AGPAT5: variants seen among roughly 807,000 people sequenced by gnomAD.
AGPAT5 encodes the protein 1-acyl-sn-glycerol-3-phosphate acyltransferase epsilon.
AGPAT5 carries 46 observed loss-of-function variants against 45.6 expected under a neutral mutation model. The ratio of observed to expected loss-of-function variants is 1.01; its 90% CI spans 0.80 to 1.29. The LOEUF is 1.29. Among genes scored for constraint, AGPAT5 ranks in the 50% most tolerant of loss-of-function variants. AGPAT5 has a pLI of 0.00. For missense variants in AGPAT5, 673 were observed against 450.7 expected, an observed-to-expected ratio of 1.49 and a Z score of -4.47; for synonymous variants, 272 against 167.0, an observed-to-expected ratio of 1.63 and a Z score of -4.85.
Position 6,709,137 on chromosome 8 carries a change from G to C in AGPAT5, c.219+250G>C, listed in dbSNP as rs994443652. 31 of 571,936 alleles carry C rather than the reference G, an allele frequency of 5.4e-5. No homozygotes were observed. The African/African-American group carries it at 5.9e-4, about 11-fold the overall frequency. 35.4% of individuals were successfully genotyped at this position (571,936 alleles called of 1,614,324 possible). A position where few individuals can be genotyped will look rare whatever the true frequency, so the allele number is the denominator to read the frequency against. On this transcript the variant is annotated intron_variant, in intron 1 of 7. Coordinates refer to ENST00000285518, the MANE Select transcript of AGPAT5 (RefSeq NM_018361.5). ...CCCGCCGCCCCTTTCCCCGCCCCTC[G>C]CCTGGGTCTGATGCTGCTTAGCAAA...
At chr8:6,742,053 A>C (rs1368408999) in intron 5 of AGPAT5, among the ~76,000 whole-genome samples, 5 of 152,168 alleles carry the variant, frequency 3.3e-5, no homozygotes, top group African/African-American at 1.2e-4. Flanking sequence ...CTTTTTCTAC[A>C]GTGTATGGGT....
rs62497278 is a variant in AGPAT5 at position 6,708,830 on chromosome 8, C to G, written c.162C>G (p.Leu54=). 0.084 allele frequency: 135,969 copies of G among 1,611,396 alleles called. 7,820 individuals carry two copies. Among genetic ancestry groups the G allele is most frequent in the East Asian group, 0.32 (14,312 of 44,792 alleles). ...TCTACCAAGCGCTGGACGACCGGCTCTACTGCGTCTACCAGAGCATGGTGC... is the reference window on the plus strand; with the variant it reads ...TCTACCAAGCGCTGGACGACCGGCTGTACTGCGTCTACCAGAGCATGGTGC... ...ARFYQALDDR[L]YCVYQSMVLF... The change falls in exon 1 of 8, where the codon CTC becomes CTG. Residue 54 remains leucine, a synonymous_variant. Coordinates refer to ENST00000285518, the MANE Select transcript of AGPAT5 (RefSeq NM_018361.5).
chr8:6,757,410 G>C lies in AGPAT5; in HGVS notation c.*22G>C, dbSNP rs758975893. 6.3e-7 allele frequency: 1 copy of C among 1,591,170 alleles called. No individual in the cohort carries two copies. Among genetic ancestry groups the C allele is most frequent in the Non-Finnish European group, 8.6e-7 (1 of 1,159,282 alleles). On this transcript the variant is annotated 3_prime_UTR_variant, in exon 8 of 8. Coordinates refer to ENST00000285518, the MANE Select transcript of AGPAT5 (RefSeq NM_018361.5). ...ATAGACAAGTAGCTGTCTCCAGACA[G>C]TGGGATGTGCTACATTGTCTATTTT...
At position 6,724,786 on chromosome 8, in the gene AGPAT5, C is replaced by T. The variant is rs964550535; in HGVS notation, c.220-84C>T. On this transcript the variant is annotated intron_variant, in intron 1 of 7. Transcript: ENST00000285518. ...GGATGGAAATATTCACAACATCATT[C>T]GTCAGTTTCTTCACATTGTCTTCCT... 9 of 414,270 alleles carry T rather than the reference C, an allele frequency of 2.2e-5. No individual in the cohort carries two copies. In the South Asian group the frequency reaches 3.0e-4, roughly 14 times the overall value. The allele number at this position is 414,270 out of a possible 1,614,324, so 25.7% of individuals were successfully genotyped here. A position where few individuals can be genotyped will look rare whatever the true frequency, so the allele number is the denominator to read the frequency against.
intron 4 of AGPAT5, among the ~76,000 whole-genome samples, chr8:6,738,832 T>A (rs1801143411): frequency 6.6e-6 from 1 of 151,686 alleles, no homozygotes. Context: ...TAAGCTTAAT[T>A]TATTGATTTT....
At chr8:6,735,842 A>G (rs909530715) in intron 4 of AGPAT5, among the ~76,000 whole-genome samples, 2 of 128,960 alleles carry the variant, frequency 1.6e-5, no homozygotes, top group Non-Finnish European at 3.3e-5. Flanking sequence ...TTTATTCTTT[A>G]TATAGCCTTT....
chr8:6,714,434 A>G (rs574450732), intron 1 of AGPAT5, among the ~76,000 whole-genome samples: 1 of 152,374 alleles, frequency 6.6e-6, no homozygotes, highest in South Asian at 2.1e-4. Flanking sequence ...ATAGGAAAAT[A>G]CTAAAAAAAT....
intron 2 of AGPAT5, among the ~76,000 whole-genome samples, chr8:6,725,804 C>G (rs1294257318): frequency 1.3e-5 from 2 of 152,156 alleles, no homozygotes; most frequent in East Asian, 3.8e-4. Flanking sequence ...ATATAGTACT[C>G]TTAAGCTAAA....
intron 4 of AGPAT5, among the ~76,000 whole-genome samples, chr8:6,739,164 A>T (rs897190003): frequency 1.3e-5 from 2 of 152,022 alleles, no homozygotes; most frequent in African/African-American, 4.8e-5. Flanking sequence ...ATATATCCTT[A>T]TGCCAATACC....
chr8:6,728,308 T>C (rs1587019396), intron 2 of AGPAT5, among the ~76,000 whole-genome samples: 1 of 152,260 alleles, frequency 6.6e-6, no homozygotes, highest in Non-Finnish European at 1.5e-5. Flanking sequence ...TAATCTCAGC[T>C]GTAACTGAGA....
At chr8:6,719,487 G>T (rs1274323740) in intron 1 of AGPAT5, among the ~76,000 whole-genome samples, 2 of 152,164 alleles carry the variant, frequency 1.3e-5, no homozygotes, top group Non-Finnish European at 1.5e-5. Flanking sequence ...TCAAAATTCT[G>T]CATTCATACA....
At chr8:6,749,751 G>C (rs746498275) in intron 6 of AGPAT5, among the ~76,000 whole-genome samples, 1 of 152,196 alleles carries the variant, frequency 6.6e-6, no homozygotes, top group Non-Finnish European at 1.5e-5. Flanking sequence ...CATAGTTTAA[G>C]ATTAAACAAG....
In AGPAT5 at chr8:6,708,875, C is replaced by T. The variant is rs757506228; in HGVS notation, c.207C>T (p.Tyr69=). Residue 69 remains tyrosine, a synonymous_variant, in exon 1 of 8, where the codon TAC becomes TAT. Coordinates refer to ENST00000285518, the MANE Select transcript of AGPAT5 (RefSeq NM_018361.5). The part of the protein sequence containing the change: ...QSMVLFFFEN[Y]TGVQILLYGD... ...TGGTGCTCTTCTTCTTCGAGAATTACACCGGGGTCCAGGTGAGCCGCCTCC... is the reference window on the plus strand; with the variant it reads ...TGGTGCTCTTCTTCTTCGAGAATTATACCGGGGTCCAGGTGAGCCGCCTCC... 1.1e-5 allele frequency: 18 copies of T among 1,605,510 alleles called. No individual in the cohort carries two copies. In the Admixed American group the frequency reaches 2.0e-4, roughly 18 times the overall value.
chr8:6,748,429 G>A (rs2116948183), intron 6 of AGPAT5, among the ~76,000 whole-genome samples: 1 of 152,306 alleles, frequency 6.6e-6, no homozygotes, highest in African/African-American at 2.4e-5. Context: ...AGTGTGTGGA[G>A]TTTCTGTTTC....
chr8:6,743,838 T>C (rs1281037253), intron 5 of AGPAT5, among the ~76,000 whole-genome samples: 1 of 152,066 alleles, frequency 6.6e-6, no homozygotes, highest in Admixed American at 6.6e-5. Context: ...CTTAAGCTTT[T>C]TGAACTCTCT....
intron 1 of AGPAT5, among the ~76,000 whole-genome samples, chr8:6,712,679 C>A (rs916944289): frequency 4.6e-5 from 7 of 152,132 alleles, no homozygotes; most frequent in Non-Finnish European, 7.4e-5. Context: ...ACCTTAAATT[C>A]TATCATCGTG....
chr8:6,727,570 G>A (rs1020234488), intron 2 of AGPAT5, among the ~76,000 whole-genome samples: 1 of 152,226 alleles, frequency 6.6e-6, no homozygotes, highest in African/African-American at 2.4e-5. Flanking sequence ...CAGTAGAGAT[G>A]GGGTTTCACC....
intron 2 of AGPAT5, among the ~76,000 whole-genome samples, chr8:6,727,937 G>A (rs923542468): frequency 6.6e-6 from 1 of 152,166 alleles, no homozygotes; most frequent in African/African-American, 2.4e-5. Flanking sequence ...CCTTACAGAG[G>A]CTGTCTCCTA....
chr8:6,740,276 C>G (rs951189078), intron 4 of AGPAT5, among the ~76,000 whole-genome samples: 2 of 151,828 alleles, frequency 1.3e-5, no homozygotes, highest in African/African-American at 4.8e-5. Flanking sequence ...GAATATAAAC[C>G]TTACTGTTAC....
Sources: allele counts gnomAD v4.1 joint callset (sites outside exome capture counted in the v4.1 genomes callset), GRCh38; gene constraint gnomAD v4.1.1; transcripts MANE v1.5; gene names NCBI Gene and HGNC (gene_info 2026-07-23, HGNC 2026-07-21).